Variants in IFT81 observed in about 807,000 individuals in gnomAD.
IFT81 encodes the protein intraflagellar transport protein 81 homolog.
In IFT81, 72 loss-of-function variants were observed where a neutral mutation model predicts 102.6. The ratio of observed to expected loss-of-function variants is 0.70; its 90% CI spans 0.58 to 0.85. IFT81 has a LOEUF of 0.85. Among genes scored for constraint, IFT81 ranks in the 40% least tolerant of loss-of-function variants. IFT81 has a pLI of 0.00. For synonymous variants in IFT81, 237 were observed against 242.7 expected, an observed-to-expected ratio of 0.98 and a Z score of 0.22; for missense variants, 723 against 787.3, an observed-to-expected ratio of 0.92 and a Z score of 0.98.
chr12:110,173,356 C>G (rs1466398834), intron 11 of IFT81, among the ~76,000 whole-genome samples: 2 of 148,906 alleles, frequency 1.3e-5, no homozygotes, highest in South Asian at 2.1e-4. Flanking sequence ...GTCAGCCCCC[C>G]GCCCGGCCAG....
intron 18 of IFT81, 91 bp downstream of exon 18, chr12:110,209,307 G>A: frequency 1.8e-6 from 1 of 542,380 alleles, no homozygotes; most frequent in Non-Finnish European, 3.2e-6. Flanking sequence ...GTTTTCAAAA[G>A]GTCATAGTAC....
chr12:110,204,181 A>T, intron 15 of IFT81: 1 of 391,238 alleles, frequency 2.6e-6, no homozygotes, highest in East Asian at 4.7e-5. Context: ...CACTACATCA[A>T]TGTCAAAAGA....
At chr12:110,176,567 C>T (rs1303034166) in intron 11 of IFT81, among the ~76,000 whole-genome samples, 1 of 152,110 alleles carries the variant, frequency 6.6e-6, no homozygotes, top group African/African-American at 2.4e-5. Flanking sequence ...TTTTGTATGA[C>T]ATTGAAGATC....
intron 2 of IFT81, 53 bp from the exon 3 acceptor site, chr12:110,127,993 T>A: frequency 1.6e-6 from 2 of 1,224,254 alleles, no homozygotes; most frequent in South Asian, 2.4e-5. Flanking sequence ...GTTTAAATAT[T>A]GTCCTTTGTT....
At chr12:110,205,933 G>A (rs1039851590) in intron 17 of IFT81, among the ~76,000 whole-genome samples, 1 of 152,076 alleles carries the variant, frequency 6.6e-6, no homozygotes, top group Non-Finnish European at 1.5e-5. Flanking sequence ...CCATTTTTAA[G>A]TGTACAGTTC....
In IFT81 at chr12:110,135,378, C is replaced by G. The variant is rs1051497484; in HGVS notation, c.637C>G (p.Arg213Gly). 6.2e-7 allele frequency: 1 copy of G among 1,613,106 alleles called. No homozygotes were observed. The highest frequency in any genetic ancestry group is 1.7e-5 in the Admixed American group (1 of 59,878). Residue 213 changes from arginine (R) to glycine (G), a missense_variant, in exon 7 of 19, where the codon CGA becomes GGA. Transcript: ENST00000242591. ...GATGCTTAAAATAGCAAGGCAACTT[C>G]GAGTTGAAAAAGAGAGAGAAGAATA... ...QWMLKIARQL[R>G]VEKEREEYLA... is the part of the protein sequence containing the mutation.
chr12:110,202,615 G>C (rs757786216), intron 14 of IFT81, among the ~76,000 whole-genome samples: 84 of 151,936 alleles, frequency 5.5e-4, no homozygotes, highest in Admixed American at 1.1e-3. Flanking sequence ...ACCATGCCCA[G>C]CTAATTTTTT....
chr12:110,128,786 C>CAAA (rs59756924), intron 3 of IFT81, among the ~76,000 whole-genome samples, 164 bp from the exon 4 acceptor site: 18 of 68,688 alleles, frequency 2.6e-4, no homozygotes, highest in Non-Finnish European at 4.1e-4. Context: ...GACCCTGTCT[C>CAAA]AAAAAAAAAA....
chr12:110,136,977 G>A (rs1894550155), intron 8 of IFT81, 117 bp downstream of exon 8: 1 of 573,876 alleles, frequency 1.7e-6, no homozygotes, highest in Admixed American at 3.1e-5. Context: ...TCAGCATTTT[G>A]GAACATCATT....
rs754458237 is a variant in IFT81, at chr12:110,136,810, A to G, written c.731A>G (p.Gln244Arg). 3 of 1,613,030 alleles carry G rather than the reference A, an allele frequency of 1.9e-6. No individual in the cohort carries two copies. In the African/African-American group the frequency reaches 4.0e-5, roughly 22 times the overall value. Residue 244 changes from glutamine (Q) to arginine (R), a missense_variant, in exon 8 of 19, where the codon CAA (glutamine) becomes CGA (arginine). Transcript: ENST00000242591. ...FHAVQRLQRVQNQLKSMRQAA... is the reference protein window; with the variant it reads ...FHAVQRLQRVRNQLKSMRQAA... ...GCAGTGCAAAGATTGCAAAGAGTAC[A>G]AAACCAGCTGAAAAGCATGCGCCAA...
In IFT81 at chr12:110,158,141, A is replaced by G. The variant is rs1396948386; in HGVS notation, c.1042-4778A>G. On this transcript the variant is annotated intron_variant, in intron 10 of 18. Coordinates refer to ENST00000242591, the MANE Select transcript of IFT81 (RefSeq NM_014055.4). ...GGTGGAGTGCAGTGGCATGATCTCAACTCACTGCAACCTCCACCTCCTGGG... is the reference window on the plus strand; with the variant it reads ...GGTGGAGTGCAGTGGCATGATCTCAGCTCACTGCAACCTCCACCTCCTGGG... Among the ~76,000 whole-genome samples, 6 of 151,684 alleles carry G rather than the reference A, an allele frequency of 4.0e-5. 1 individual carries two copies. The highest frequency in any genetic ancestry group is 3.9e-4 in the Admixed American group (6 of 15,194).
chr12:110,147,449 T>G (rs1895289210), intron 10 of IFT81, among the ~76,000 whole-genome samples: 1 of 152,228 alleles, frequency 6.6e-6, no homozygotes, highest in African/African-American at 2.4e-5. Flanking sequence ...AAATTAAATT[T>G]TAGTGCTAAA....
intron 12 of IFT81, among the ~76,000 whole-genome samples, chr12:110,182,119 A>T (rs572371440): frequency 2.0e-5 from 3 of 152,298 alleles, no homozygotes; most frequent in African/African-American, 7.2e-5. Context: ...AGGGGTAACT[A>T]TGAGCTATTT....
At chr12:110,215,582 C>T (rs7954379) in intron 18 of IFT81, among the ~76,000 whole-genome samples, 129 of 149,506 alleles carry the variant, frequency 8.6e-4, no homozygotes, top group African/African-American at 3.1e-3. Flanking sequence ...TTGCCTCGGC[C>T]TCCTGAGTAG....
At chr12:110,211,386 C>T (rs901724254) in intron 18 of IFT81, among the ~76,000 whole-genome samples, 3 of 151,876 alleles carry the variant, frequency 2.0e-5, no homozygotes. Context: ...AACAGTTTGA[C>T]TTAGTGTTGG....
At chr12:110,147,507 G>T (rs971469922) in intron 10 of IFT81, among the ~76,000 whole-genome samples, 1 of 152,054 alleles carries the variant, frequency 6.6e-6, no homozygotes, top group African/African-American at 2.4e-5. Context: ...GTTTTTGAGG[G>T]TACTTATCTT....
chr12:110,179,754 A>G (rs1897220859), intron 11 of IFT81, among the ~76,000 whole-genome samples: 1 of 84,502 alleles, frequency 1.2e-5, no homozygotes, highest in Non-Finnish European at 2.4e-5. Context: ...ATATATATAT[A>G]TATATATATA....
chr12:110,126,453 G>A (rs981301282), intron 1 of IFT81, among the ~76,000 whole-genome samples: 3 of 151,984 alleles, frequency 2.0e-5, no homozygotes, highest in African/African-American at 7.2e-5. Context: ...AAGATGGTTG[G>A]GGGGGTTTGT....
intron 12 of IFT81, among the ~76,000 whole-genome samples, chr12:110,185,185 A>AT (rs897205111): frequency 6.6e-6 from 1 of 151,036 alleles, no homozygotes. Flanking sequence ...TCTTCACTAA[A>AT]TTTTTTTTTC....
Sources: gnomAD v4.1 joint callset for allele counts (sites outside exome capture counted in the v4.1 genomes callset) on GRCh38, gnomAD v4.1.1 for gene constraint, MANE v1.5 for transcripts, NCBI Gene and HGNC (gene_info 2026-07-23, HGNC 2026-07-21) for gene names.